The following ASPH variants were observed in gnomAD, a reference collection of about 807,000 sequenced individuals.
ASPH encodes aspartyl/asparaginyl beta-hydroxylase.
A neutral mutation model predicts 118.4 loss-of-function variants in ASPH; 100 were observed. The ratio of observed to expected loss-of-function variants is 0.84; its 90% CI spans 0.72 to 1.00. ASPH has a LOEUF of 1.00. ASPH is among the 50% of genes least tolerant of loss of function. The probability of loss-of-function intolerance (pLI) is 0.00; values close to 1 mark genes in which losing one functional copy is unlikely to be tolerated. For synonymous variants in ASPH, 315 were observed against 325.6 expected, an observed-to-expected ratio of 0.97 and a Z score of 0.35; for missense variants, 920 against 919.5, an observed-to-expected ratio of 1.00 and a Z score of -0.01.
chr8:61,692,691 C>T (rs1832906608), intron 1 of ASPH, among the ~76,000 whole-genome samples: 1 of 152,142 alleles, frequency 6.6e-6, no homozygotes, highest in Non-Finnish European at 1.5e-5. Context: ...GGTTCTCAAA[C>T]TCTGAGCACG....
At chr8:61,554,837 G>A (rs561149048) in intron 19 of ASPH, among the ~76,000 whole-genome samples, 1 of 152,176 alleles carries the variant, frequency 6.6e-6, no homozygotes, top group Non-Finnish European at 1.5e-5. Flanking sequence ...TCCTGGGCCT[G>A]AGTAGCTGGG....
At chr8:61,673,119 G>A (rs1333278576) in intron 3 of ASPH, among the ~76,000 whole-genome samples, 1 of 152,140 alleles carries the variant, frequency 6.6e-6, no homozygotes, top group Non-Finnish European at 1.5e-5. Flanking sequence ...TCTGGATACA[G>A]CTCTATAAGA....
At chr8:61,596,144 C>T (rs1474540561) in intron 14 of ASPH, among the ~76,000 whole-genome samples, 1 of 152,058 alleles carries the variant, frequency 6.6e-6, no homozygotes, top group Non-Finnish European at 1.5e-5. Flanking sequence ...TTCACCTGGC[C>T]CGCCACCACC....
intron 1 of ASPH, among the ~76,000 whole-genome samples, chr8:61,697,301 C>A (rs1423652708): frequency 1.3e-5 from 2 of 152,110 alleles, no homozygotes; most frequent in Non-Finnish European, 2.9e-5. Flanking sequence ...GTACTCTCAC[C>A]CCACAGTCAA....
At chr8:61,696,899 C>T (rs1358684333) in intron 1 of ASPH, among the ~76,000 whole-genome samples, 1 of 152,156 alleles carries the variant, frequency 6.6e-6, no homozygotes, top group African/African-American at 2.4e-5. Context: ...TGCTTTAACT[C>T]TAAATTTCAA....
At chr8:61,633,147 C>T (rs1856320036) in intron 13 of ASPH, 1 of 154,810 alleles carries the variant, frequency 6.5e-6, no homozygotes, top group Admixed American at 6.5e-5. Flanking sequence ...GACAAGAGGG[C>T]TCAGGTAGAG....
chr8:61,511,567 C>T (rs371549618), intron 24 of ASPH, among the ~76,000 whole-genome samples: 1 of 152,180 alleles, frequency 6.6e-6, no homozygotes, highest in East Asian at 1.9e-4. Context: ...TATCCCCTGA[C>T]TCAGGTTTAC....
chr8:61,510,010 A>C (rs1397213202), intron 24 of ASPH, among the ~76,000 whole-genome samples: 1 of 151,978 alleles, frequency 6.6e-6, no homozygotes, highest in Non-Finnish European at 1.5e-5. Context: ...TGTAAGCACC[A>C]CCTCCAGTGT....
At position 61,501,079 on chromosome 8, in the gene ASPH, T is replaced by TATCA. The variant is rs1804819978; in HGVS notation, c.*2276_*2279dup. The TATCA allele has an allele frequency of 2.0e-5, 3 of 152,090 alleles. No individual in the cohort carries two copies. The South Asian group carries it at 6.2e-4, about 32-fold the overall frequency. The allele number at this position is 152,090 out of a possible 1,614,324, so 9.4% of individuals were successfully genotyped here. Reference sequence around the variant, plus strand: ...ATTAAAAATATTTCTCAAACAACTGTATCACAATATAAATTAAACTAATTC... The same window carrying TATCA: ...ATTAAAAATATTTCTCAAACAACTGTATCAATCACAATATAAATTAAACTAATTC... On this transcript the variant is annotated 3_prime_UTR_variant, in exon 25 of 25. Coordinates refer to ENST00000379454, the MANE Select transcript of ASPH (RefSeq NM_004318.4).
chr8:61,623,233 TGA>T (rs1851598473), intron 13 of ASPH, among the ~76,000 whole-genome samples: 1 of 152,226 alleles, frequency 6.6e-6, no homozygotes, highest in Non-Finnish European at 1.5e-5. Flanking sequence ...TGCTGTCTTT[TGA>T]TAAAAGTCAT....
intron 15 of ASPH, among the ~76,000 whole-genome samples, chr8:61,582,825 C>T (rs1014352465): frequency 1.3e-5 from 2 of 152,142 alleles, no homozygotes; most frequent in African/African-American, 4.8e-5. Context: ...AAGCCTATTA[C>T]AGGAAAACTA....
At chr8:61,536,062 A>C (rs1819452740) in intron 21 of ASPH, among the ~76,000 whole-genome samples, 2 of 139,440 alleles carry the variant, frequency 1.4e-5, no homozygotes, top group Non-Finnish European at 1.5e-5. Flanking sequence ...TTTTTGAGAC[A>C]AGAGTCTCAC....
At chr8:61,665,426 TCTTTTTCTCTGTC>T in intron 3 of ASPH, 7 of 1,604,440 alleles carry the variant, frequency 4.4e-6, no homozygotes, top group Non-Finnish European at 6.0e-6. Flanking sequence ...GTCCACTTTC[TCTTTTTCTCTGTC>T]CTTTTTACCC....
At chr8:61,667,645 G>A (rs1320080398) in intron 3 of ASPH, among the ~76,000 whole-genome samples, 2 of 152,150 alleles carry the variant, frequency 1.3e-5, no homozygotes, top group Non-Finnish European at 2.9e-5. Flanking sequence ...GATTACAGGC[G>A]TGAGCCACCG....
At chr8:61,686,187 T>G (rs544160069) in intron 1 of ASPH, among the ~76,000 whole-genome samples, 20 of 152,336 alleles carry the variant, frequency 1.3e-4, no homozygotes, top group African/African-American at 4.8e-4. Context: ...TCTAATGTGA[T>G]CTATATAAAA....
intron 16 of ASPH, among the ~76,000 whole-genome samples, chr8:61,570,379 C>G (rs1019567273): frequency 1.7e-4 from 26 of 152,204 alleles, no homozygotes; most frequent in Admixed American, 6.5e-4. Flanking sequence ...TCATTTTGAA[C>G]CTACAGAGTG....
chr8:61,503,322 C>G lies in ASPH; in HGVS notation c.*37G>C, dbSNP rs765178021. ...AAGGAGATGGAACCAGAAAGGCAGC[C>G]TCTCTCCAGAGTTTCCCAAGCTTGC... is the stretch of plus-strand genomic sequence containing the variant. On this transcript the variant is annotated 3_prime_UTR_variant, in exon 25 of 25. Transcript: ENST00000379454. The G allele has an allele frequency of 6.4e-7, 1 of 1,570,790 alleles. No individual in the cohort carries two copies. The highest frequency in any genetic ancestry group is 8.7e-7 in the Non-Finnish European group (1 of 1,153,324).
chr8:61,714,228 C>A, intron 1 of ASPH, 41 bp downstream of exon 1: 1 of 1,437,002 alleles, frequency 7.0e-7, no homozygotes, highest in South Asian at 1.4e-5. Context: ...CTCCCTACCC[C>A]GAGGCGAGGC....
chr8:61,556,621 A>G (rs1397345861), intron 18 of ASPH, among the ~76,000 whole-genome samples: 1 of 152,218 alleles, frequency 6.6e-6, no homozygotes, highest in Non-Finnish European at 1.5e-5. Context: ...AAATCACATC[A>G]CTGTTTATTA....
Sources: gnomAD v4.1 joint callset for allele counts (sites outside exome capture counted in the v4.1 genomes callset) on GRCh38, gnomAD v4.1.1 for gene constraint, MANE v1.5 for transcripts, NCBI Gene and HGNC (gene_info 2026-07-23, HGNC 2026-07-21) for gene names.